The following SEMA4G variants were observed in gnomAD, a reference collection of about 807,000 sequenced individuals.
SEMA4G encodes semaphorin-4G.
In SEMA4G, 59 loss-of-function variants were observed where a neutral mutation model predicts 81.2. The ratio of observed to expected loss-of-function variants is 0.73; its 90% CI spans 0.59 to 0.90. SEMA4G has a LOEUF of 0.90. Ranked by LOEUF, SEMA4G falls within the 40% of genes least tolerant of loss-of-function variation. The pLI, the probability that SEMA4G is intolerant of heterozygous loss-of-function variation, is 0.00. For missense variants in SEMA4G, 952 were observed against 1,102.3 expected, an observed-to-expected ratio of 0.86 and a Z score of 1.93; for synonymous variants, 404 against 433.9, an observed-to-expected ratio of 0.93 and a Z score of 0.86.
chr10:100,978,681 T>C lies in SEMA4G; in HGVS notation c.643+41T>C, dbSNP rs1850911091. On this transcript the variant is annotated intron_variant, in intron 6 of 13. Transcript: ENST00000370250. Reference sequence around the variant, plus strand: ...CACAGGATGATGGGGGGTAGGGGACTATTTCTTCATTTTTACTCCCTTGGC... The same window carrying C: ...CACAGGATGATGGGGGGTAGGGGACCATTTCTTCATTTTTACTCCCTTGGC... 8 of 1,589,820 alleles carry C rather than the reference T, an allele frequency of 5.0e-6. No individual in the cohort carries two copies. The African/African-American group carries it at 1.1e-4, about 21-fold the overall frequency.
chr10:100,979,541 C>T (rs1850957548), intron 8 of SEMA4G, among the ~76,000 whole-genome samples: 1 of 152,060 alleles, frequency 6.6e-6, no homozygotes, highest in Admixed American at 6.5e-5. Context: ...TGCCACCACG[C>T]CTGGCTAATT....
chr10:100,984,905 C>T, downstream of SEMA4G: 1 of 1,453,498 alleles, frequency 6.9e-7, no homozygotes. Flanking sequence ...AGACAGAGCT[C>T]CAGGCATGTC....
At chr10:100,980,590 T>C in exon 11 of SEMA4G, 1 of 1,614,016 alleles carries the variant, frequency 6.2e-7, no homozygotes. Context: ...GATGGCTGGA[T>C]CCACAAGGCC....
chr10:100,970,600 T>G (rs1273176222), upstream of SEMA4G, among the ~76,000 whole-genome samples: 4 of 151,028 alleles, frequency 2.6e-5, no homozygotes, highest in Non-Finnish European at 4.4e-5. Flanking sequence ...AACACACACT[T>G]GAAATTGGGC....
intron 12 of SEMA4G, chr10:100,980,994 G>C (rs2133888016): frequency 6.3e-7 from 1 of 1,596,338 alleles, no homozygotes; most frequent in East Asian, 2.2e-5. Flanking sequence ...TCCCAGGGAA[G>C]CAGGTGGGAA....
Position 100,973,667 on chromosome 10 carries a change from GC to G in SEMA4G, c.336+60del. The G allele has an allele frequency of 6.5e-7, 1 of 1,527,520 alleles. No homozygotes were observed. The highest frequency in any genetic ancestry group is 9.0e-7 in the Non-Finnish European group (1 of 1,107,478). 94.6% of individuals were successfully genotyped at this position (1,527,520 alleles called of 1,614,324 possible). On this transcript the variant is annotated intron_variant, in intron 3 of 13. Transcript: ENST00000370250. The surrounding 1 kb of genome is among the most constrained non-coding windows in gnomAD (Gnocchi z 5.5). ...CTCCCCTTCTTCCTCAATCAGGGAT[GC>G]CAGGATTGTTGGGGACACAGATGGG...
At chr10:100,972,613 C>T in exon 1 of SEMA4G, 1 of 345,492 alleles carries the variant, frequency 2.9e-6, no homozygotes, top group South Asian at 4.2e-5. Context: ...TCTAGAACTT[C>T]ACAACTCCCT....
At chr10:100,971,017 G>A (rs1850614537), upstream of SEMA4G, among the ~76,000 whole-genome samples, 1 of 152,216 alleles carries the variant, frequency 6.6e-6, no homozygotes, top group South Asian at 2.1e-4. Context: ...ACCTGTGGCT[G>A]TGGCCCTCTG....
exon 8 of SEMA4G, chr10:100,979,176 T>C: frequency 6.2e-7 from 1 of 1,614,170 alleles, no homozygotes; most frequent in Non-Finnish European, 8.5e-7. Context: ...TCTGCCACAT[T>C]CCACTGTATG....
At chr10:100,984,198 C>T in exon 14 of SEMA4G, 1 of 1,527,682 alleles carries the variant, frequency 6.5e-7, no homozygotes, top group Admixed American at 2.0e-5. Context: ...CCACTGCCTC[C>T]CTAACACAGC....
chr10:100,984,340 C>A, exon 14 of SEMA4G: 1 of 1,441,922 alleles, frequency 6.9e-7, no homozygotes, highest in Non-Finnish European at 9.1e-7. Flanking sequence ...AGCCCAGGCC[C>A]ATCGGTGCTC....
At chr10:100,978,414 A>AGAC in intron 5 of SEMA4G, 26 bp downstream of exon 6, 1 of 1,609,222 alleles carries the variant, frequency 6.2e-7, no homozygotes, top group South Asian at 1.1e-5. Context: ...TCCCTATCAC[A>AGAC]GACATGGTAT....
chr10:100,973,306 A>T lies in SEMA4G; in HGVS notation c.273+29A>T. The T allele has an allele frequency of 6.2e-7, 1 of 1,610,328 alleles. No homozygotes were observed. The highest frequency in any genetic ancestry group is 1.7e-5 in the Admixed American group (1 of 59,968). ...AGGCCCTGGAACCTGGACCACCCAG[A>T]GGGTCTCTATGCTTATCCAGCTCCC... On this transcript the variant is annotated intron_variant, in intron 2 of 13. Transcript: ENST00000370250. This position sits in a 1 kb window ranked among gnomAD's most constrained non-coding sequence, Gnocchi z 5.5.
At chr10:100,980,069 G>C in intron 9 of SEMA4G, 53 bp from the exon 11 acceptor site, 2 of 1,613,028 alleles carry the variant, frequency 1.2e-6, no homozygotes, top group Middle Eastern at 1.7e-4. Flanking sequence ...CTTGTGGAGA[G>C]GGCAGGCAGG....
chr10:100,970,190 C>T (rs1171131659), upstream of SEMA4G, among the ~76,000 whole-genome samples: 4 of 152,176 alleles, frequency 2.6e-5, no homozygotes, highest in East Asian at 5.8e-4. Flanking sequence ...AGGGGGCTGG[C>T]CCTGGGGAAG....
At chr10:100,981,360 A>C in intron 13 of SEMA4G, 131 bp downstream of exon 14, 1 of 1,608,166 alleles carries the variant, frequency 6.2e-7, no homozygotes, top group Non-Finnish European at 8.5e-7. Flanking sequence ...ACTCAAACAC[A>C]GAGCCTGGCA....
chr10:100,978,924 ACTT>A (rs1298602317), exon 7 of SEMA4G: 1 of 1,614,036 alleles, frequency 6.2e-7, no homozygotes, highest in Admixed American at 1.7e-5. Flanking sequence ...AAGGTGTACT[ACTT>A]CTTCACGGAG....
In SEMA4G at chr10:100,973,419, C is replaced by G. The variant is rs1027748373; in HGVS notation, c.274-128C>G. 2.2e-6 allele frequency: 3 copies of G among 1,383,864 alleles called. No individual in the cohort carries two copies. The highest frequency in any genetic ancestry group is 2.1e-4 in the Middle Eastern group (1 of 4,796). 85.7% of individuals were successfully genotyped at this position (1,383,864 alleles called of 1,614,324 possible). A position where few individuals can be genotyped will look rare whatever the true frequency, so the allele number is the denominator to read the frequency against. On this transcript the variant is annotated intron_variant, in intron 2 of 13. Coordinates refer to ENST00000370250, the Ensembl canonical transcript of SEMA4G. The surrounding 1 kb of genome is among the most constrained non-coding windows in gnomAD (Gnocchi z 5.5). ...CCCTTCCCAGCCCAGGTGTTCCTTG[C>G]ATTCAGTGTTCCTCCTGAAATTGAT...
At position 100,978,514 on chromosome 10, in the gene SEMA4G, A is replaced by G. The variant is rs2133874745; in HGVS notation, c.530-13A>G. 6.2e-7 allele frequency: 1 copy of G among 1,611,972 alleles called. No individual in the cohort carries two copies. Among genetic ancestry groups the G allele is most frequent in the Non-Finnish European group, 8.5e-7 (1 of 1,178,130 alleles). On this transcript the variant is annotated splice_polypyrimidine_tract_variant and intron_variant, in intron 5 of 13. Coordinates refer to ENST00000370250, the Ensembl canonical transcript of SEMA4G. ...ATGACATGTCTCTCATGCCTGGAAT[A>G]TCCCCACGCCAGATGGAGGCCTCTA...
Sources: allele counts gnomAD v4.1 joint callset (sites outside exome capture counted in the v4.1 genomes callset), GRCh38; gene constraint gnomAD v4.1.1; non-coding constraint Gnocchi (gnomAD v3.1); transcripts MANE v1.5; gene names NCBI Gene and HGNC (gene_info 2026-07-23, HGNC 2026-07-21).